The following IGF2BP3 variants were observed in gnomAD, a reference collection of about 807,000 sequenced individuals.
The protein encoded by IGF2BP3 is insulin-like growth factor 2 mRNA-binding protein 3.
IGF2BP3 carries 9 observed loss-of-function variants against 73.8 expected under a neutral mutation model. The ratio of observed to expected loss-of-function variants is 0.12; its 90% CI spans 0.07 to 0.21. The LOEUF is 0.21. Ranked by LOEUF, IGF2BP3 falls within the 10% of genes least tolerant of loss-of-function variation. The pLI is 1.00. For missense variants in IGF2BP3, 542 were observed against 714.0 expected, an observed-to-expected ratio of 0.76 and a Z score of 2.75; for synonymous variants, 258 against 256.7, an observed-to-expected ratio of 1.01 and a Z score of -0.05.
intron 10 of IGF2BP3, among the ~76,000 whole-genome samples, chr7:23,335,937 C>T (rs1334688157): frequency 1.3e-5 from 2 of 152,198 alleles, no homozygotes; most frequent in Non-Finnish European, 2.9e-5. Context: ...AGCTGCTAGG[C>T]AGGAACTAGA....
chr7:23,381,052 C>G (rs1785894142), intron 3 of IGF2BP3, among the ~76,000 whole-genome samples: 1 of 152,222 alleles, frequency 6.6e-6, no homozygotes, highest in East Asian at 1.9e-4. Flanking sequence ...ATGTCTAAAT[C>G]AGACTCAACT....
At chr7:23,382,679 T>C (rs764675472) in intron 3 of IGF2BP3, among the ~76,000 whole-genome samples, 35 of 152,102 alleles carry the variant, frequency 2.3e-4, no homozygotes, top group Middle Eastern at 3.4e-3. Flanking sequence ...CCTTGCCCAT[T>C]AGTGACACCT....
intron 5 of IGF2BP3, among the ~76,000 whole-genome samples, chr7:23,354,741 G>A (rs1401315114): frequency 3.3e-5 from 5 of 152,282 alleles, no homozygotes; most frequent in East Asian, 3.9e-4. Context: ...CAGGTGGCCC[G>A]GGGCTCTAGT....
At chr7:23,396,512 T>C (rs959050073) in intron 3 of IGF2BP3, 4 of 169,032 alleles carry the variant, frequency 2.4e-5, no homozygotes, top group Non-Finnish European at 3.9e-5. Flanking sequence ...CCTAGTTTTC[T>C]GAAGAAAAAA....
intron 3 of IGF2BP3, among the ~76,000 whole-genome samples, chr7:23,394,845 A>G (rs1045369612): frequency 2.9e-4 from 44 of 152,264 alleles, no homozygotes; most frequent in African/African-American, 1.0e-3. Context: ...CAATGAAGCC[A>G]TGTCCTTTAT....
intron 3 of IGF2BP3, among the ~76,000 whole-genome samples, chr7:23,369,386 T>C (rs751193416): frequency 5.9e-5 from 9 of 152,182 alleles, no homozygotes; most frequent in Non-Finnish European, 1.0e-4. Flanking sequence ...AATCAGATCA[T>C]ACCTCATTAC....
chr7:23,365,739 C>G (rs568719912), intron 3 of IGF2BP3: 43 of 152,392 alleles, frequency 2.8e-4, no homozygotes, highest in African/African-American at 1.0e-3. Context: ...AAGACTGCCC[C>G]TGGGCATTCA....
At chr7:23,460,178 C>CAAAAAAAAAAAAA (rs757381858) in intron 2 of IGF2BP3, among the ~76,000 whole-genome samples, 6 of 55,178 alleles carry the variant, frequency 1.1e-4, no homozygotes, top group South Asian at 7.8e-4. Flanking sequence ...GACCCTGCCT[C>CAAAAAAAAAAAAA]AAAAAAAAAA....
intron 7 of IGF2BP3, among the ~76,000 whole-genome samples, chr7:23,346,616 CAG>C (rs1491270184): frequency 6.8e-6 from 1 of 148,040 alleles, no homozygotes; most frequent in Non-Finnish European, 1.5e-5. Context: ...TTTTTTGAGA[CAG>C]AGTCTCCCTC....
intron 3 of IGF2BP3, among the ~76,000 whole-genome samples, chr7:23,394,392 G>A (rs900137801): frequency 1.3e-5 from 2 of 152,072 alleles, no homozygotes; most frequent in South Asian, 2.1e-4. Context: ...GCTTCAGCCT[G>A]GAAGGTCGAG....
At chr7:23,462,652 T>C (rs1041766488) in intron 2 of IGF2BP3, among the ~76,000 whole-genome samples, 4 of 152,120 alleles carry the variant, frequency 2.6e-5, no homozygotes, top group African/African-American at 9.7e-5. Context: ...GTGAGCCACC[T>C]CGCCTGGCCC....
chr7:23,404,103 C>G (rs1280641019), intron 3 of IGF2BP3, among the ~76,000 whole-genome samples: 1 of 151,408 alleles, frequency 6.6e-6, no homozygotes, highest in East Asian at 1.9e-4. Context: ...GATCGTGCCA[C>G]CTGACTCCAG....
chr7:23,434,265 C>T (rs1367545775), intron 2 of IGF2BP3, among the ~76,000 whole-genome samples: 1 of 152,076 alleles, frequency 6.6e-6, no homozygotes, highest in Non-Finnish European at 1.5e-5. Flanking sequence ...TTTCGTATTA[C>T]TGCTAAGTGG....
In IGF2BP3 at chr7:23,470,117, G is replaced by A. The variant is rs770210306; in HGVS notation, c.-7C>T. 2.5e-6 allele frequency: 4 copies of A among 1,587,454 alleles called. No homozygotes were observed. The East Asian group carries it at 9.1e-5, about 36-fold the overall frequency. ...CGATATACAGTTTGTTCATTGTGAA[G>A]AGTGGTTGTTTAAAAAAAAATAACG... On this transcript the variant is annotated 5_prime_UTR_variant, in exon 1 of 15. Transcript: ENST00000258729.
rs1783850424 is a variant in IGF2BP3, at chr7:23,312,193, TA to T, written c.*168del. ...CATACATTTCAGAGAGCATAAAGTA[TA>T]CATTCTCACAGAGACAGGAGTTCAA... On this transcript the variant is annotated 3_prime_UTR_variant, in exon 15 of 15. Coordinates refer to ENST00000258729, the MANE Select transcript of IGF2BP3 (RefSeq NM_006547.3). 5 of 594,308 alleles carry T rather than the reference TA, an allele frequency of 8.4e-6. No homozygotes were observed. The highest frequency in any genetic ancestry group is 1.5e-5 in the Non-Finnish European group (5 of 329,806). The allele number at this position is 594,308 out of a possible 1,614,324, so 36.8% of individuals were successfully genotyped here. A position where few individuals can be genotyped will look rare whatever the true frequency, so the allele number is the denominator to read the frequency against.
At chr7:23,342,628 G>A (rs1000164930) in intron 9 of IGF2BP3, among the ~76,000 whole-genome samples, 3 of 152,178 alleles carry the variant, frequency 2.0e-5, no homozygotes, top group African/African-American at 7.2e-5. Flanking sequence ...TAGCAACCAT[G>A]GGTCTAGAGG....
chr7:23,399,750 A>T (rs1000380781), intron 3 of IGF2BP3, among the ~76,000 whole-genome samples: 7 of 152,210 alleles, frequency 4.6e-5, no homozygotes, highest in Non-Finnish European at 7.3e-5. Flanking sequence ...CTCCACCTAA[A>T]AACAGTGAAG....
chr7:23,318,669 T>C (rs1784055887), intron 11 of IGF2BP3, among the ~76,000 whole-genome samples: 1 of 152,230 alleles, frequency 6.6e-6, no homozygotes, highest in South Asian at 2.1e-4. Flanking sequence ...ATAGCCTGTA[T>C]TTTGCCCCTT....
At chr7:23,421,589 G>A (rs1055695176) in intron 2 of IGF2BP3, among the ~76,000 whole-genome samples, 2 of 150,774 alleles carry the variant, frequency 1.3e-5, no homozygotes, top group Non-Finnish European at 3.0e-5. Context: ...CTACTCGGGA[G>A]GCTGAGGCAG....
Sources: allele counts gnomAD v4.1 joint callset (sites outside exome capture counted in the v4.1 genomes callset), GRCh38; gene constraint gnomAD v4.1.1; transcripts MANE v1.5; gene names NCBI Gene and HGNC (gene_info 2026-07-23, HGNC 2026-07-21).